PARM1: variants seen among roughly 807,000 people sequenced by gnomAD.
PARM1 encodes prostate androgen-regulated mucin-like protein 1.
PARM1 carries 14 observed loss-of-function variants against 24.6 expected under a neutral mutation model. That is an observed-to-expected ratio of 0.57 (90% CI 0.38 to 0.89). The LOEUF (loss-of-function observed/expected upper bound fraction) is 0.89. Ranked by LOEUF, PARM1 falls within the 40% of genes least tolerant of loss-of-function variation. The pLI is 0.00. For missense variants in PARM1, 362 were observed against 380.4 expected, an observed-to-expected ratio of 0.95 and a Z score of 0.40; for synonymous variants, 179 against 156.6, an observed-to-expected ratio of 1.14 and a Z score of -1.07.
intron 1 of PARM1, among the ~76,000 whole-genome samples, chr4:74,933,923 C>A (rs886986400): frequency 5.9e-5 from 9 of 152,220 alleles, no homozygotes; most frequent in Admixed American, 6.5e-5. Flanking sequence ...GCACTAACAG[C>A]AGCGGCCCGG....
At position 75,046,149 on chromosome 4, in the gene PARM1, T is replaced by TG; in HGVS notation, c.849-13dup. 6.3e-7 allele frequency: 1 copy of TG among 1,593,994 alleles called. No homozygotes were observed. The highest frequency in any genetic ancestry group is 8.6e-7 in the Non-Finnish European group (1 of 1,161,904). ...TTTCCAAGTAATCACAACCCTCTTC[T>TG]GTTTCTCCACCAGGCATTCCTCCTA... is the stretch of plus-strand genomic sequence containing the variant. On this transcript the variant is annotated splice_polypyrimidine_tract_variant and intron_variant, in intron 3 of 3. Coordinates refer to ENST00000307428, the MANE Select transcript of PARM1 (RefSeq NM_015393.4).
At chr4:75,001,118 A>C (rs1722672663) in intron 1 of PARM1, among the ~76,000 whole-genome samples, 1 of 152,226 alleles carries the variant, frequency 6.6e-6, no homozygotes, top group African/African-American at 2.4e-5. Flanking sequence ...GACTTATTAC[A>C]CATAAAATAC....
chr4:75,026,494 C>G (rs1380003538), intron 2 of PARM1, among the ~76,000 whole-genome samples: 1 of 152,150 alleles, frequency 6.6e-6, no homozygotes, highest in African/African-American at 2.4e-5. Context: ...AAAAAGAGGA[C>G]TCAAGATAGT....
intron 1 of PARM1, among the ~76,000 whole-genome samples, chr4:74,937,312 A>C (rs906644058): frequency 6.6e-6 from 1 of 152,020 alleles, no homozygotes; most frequent in African/African-American, 2.4e-5. Flanking sequence ...AGCCTGAGAA[A>C]CTCCTATTCC....
At chr4:75,042,475 T>G (rs1191584294) in intron 3 of PARM1, among the ~76,000 whole-genome samples, 1 of 152,220 alleles carries the variant, frequency 6.6e-6, no homozygotes, top group Non-Finnish European at 1.5e-5. Context: ...CTTGGTTTCA[T>G]TAGCAGCACT....
intron 1 of PARM1, among the ~76,000 whole-genome samples, chr4:74,979,498 TCAGA>T (rs1560782050): frequency 6.6e-6 from 1 of 152,000 alleles, no homozygotes; most frequent in African/African-American, 2.4e-5. Context: ...AAGCTCATGA[TCAGA>T]CAGATTCATG....
intron 1 of PARM1, chr4:74,966,632 G>A (rs1721908541): frequency 6.6e-6 from 1 of 152,222 alleles, no homozygotes; most frequent in African/African-American, 2.4e-5. Context: ...TCAAGAAGAG[G>A]GCACAGGGGA....
intron 2 of PARM1, among the ~76,000 whole-genome samples, chr4:75,017,684 G>C (rs1723013076): frequency 6.6e-6 from 1 of 152,202 alleles, no homozygotes; most frequent in Non-Finnish European, 1.5e-5. Context: ...GTCAGTGTCT[G>C]TTTTCATGCC....
intron 1 of PARM1, among the ~76,000 whole-genome samples, chr4:74,933,780 A>C (rs1271990179): frequency 6.6e-6 from 1 of 151,946 alleles, no homozygotes; most frequent in Admixed American, 6.5e-5. Context: ...AAGCCGGGGA[A>C]GTGGGGGTGG....
At chr4:75,021,077 C>T (rs369135651) in intron 2 of PARM1, among the ~76,000 whole-genome samples, 3 of 152,344 alleles carry the variant, frequency 2.0e-5, no homozygotes. Context: ...CAGCACCTAA[C>T]AGTGTCTGGC....
At chr4:74,965,128 A>T (rs562424862) in intron 1 of PARM1, 4 of 152,212 alleles carry the variant, frequency 2.6e-5, no homozygotes, top group Non-Finnish European at 4.4e-5. Context: ...CCAGTTCATC[A>T]TGGATGAGGG....
At chr4:75,004,078 T>A (rs1163323484) in intron 1 of PARM1, among the ~76,000 whole-genome samples, 1 of 152,224 alleles carries the variant, frequency 6.6e-6, no homozygotes, top group Non-Finnish European at 1.5e-5. Flanking sequence ...AAAGTCTGTC[T>A]GGAGGCCCAT....
chr4:74,988,015 A>G (rs934854878), intron 1 of PARM1, among the ~76,000 whole-genome samples: 4 of 152,234 alleles, frequency 2.6e-5, no homozygotes, highest in Non-Finnish European at 5.9e-5. Flanking sequence ...GAGGAATGAA[A>G]TGGACTCTTT....
intron 1 of PARM1, among the ~76,000 whole-genome samples, chr4:74,961,295 G>A (rs1721769217): frequency 6.6e-6 from 1 of 152,238 alleles, no homozygotes; most frequent in South Asian, 2.1e-4. Flanking sequence ...TGAGCAGAGT[G>A]TAAAGAATCT....
At chr4:75,034,317 G>T (rs935169804) in intron 3 of PARM1, among the ~76,000 whole-genome samples, 2 of 152,152 alleles carry the variant, frequency 1.3e-5, no homozygotes, top group African/African-American at 4.8e-5. Flanking sequence ...TCTGTGAAAG[G>T]GGGTAGAAGG....
chr4:74,988,076 A>C (rs1023815316), intron 1 of PARM1, among the ~76,000 whole-genome samples: 1 of 152,122 alleles, frequency 6.6e-6, no homozygotes, highest in African/African-American at 2.4e-5. Context: ...TAGGAGATAC[A>C]TTTACACAGC....
intron 1 of PARM1, among the ~76,000 whole-genome samples, chr4:74,984,124 T>C (rs1001124999): frequency 1.3e-5 from 2 of 152,202 alleles, no homozygotes; most frequent in African/African-American, 4.8e-5. Context: ...AACCAATTAG[T>C]GTGACTTATC....
chr4:74,990,367 C>A (rs1225437371), intron 1 of PARM1, among the ~76,000 whole-genome samples: 2 of 152,138 alleles, frequency 1.3e-5, no homozygotes, highest in Non-Finnish European at 2.9e-5. Context: ...TCATGGATAT[C>A]TTCATCTACA....
rs983837399 is a variant in PARM1 at position 75,027,176 on chromosome 4, G to T, written c.770-6707G>T. On this transcript the variant is annotated intron_variant, in intron 2 of 3. Coordinates refer to ENST00000307428, the MANE Select transcript of PARM1 (RefSeq NM_015393.4). ...CACTACTCACCTCTCTTACCTCCCT[G>T]CCTGCCTATCCCATCCAATCCTGCC... Among the ~76,000 whole-genome samples the T allele has an allele frequency of 3.3e-5, 5 of 152,034 alleles. No homozygotes were observed. In the East Asian group the frequency reaches 9.6e-4, roughly 29 times the overall value.
Sources: allele counts gnomAD v4.1 joint callset (sites outside exome capture counted in the v4.1 genomes callset), GRCh38; gene constraint gnomAD v4.1.1; transcripts MANE v1.5; gene names NCBI Gene and HGNC (gene_info 2026-07-23, HGNC 2026-07-21).